The following SUPT3H variants were observed in gnomAD, a reference collection of about 807,000 sequenced individuals.
The protein encoded by SUPT3H is SPT3 homolog, SAGA and STAGA complex component.
Under a neutral mutation model 44.3 loss-of-function variants are expected in SUPT3H, and 44 were observed. The observed-to-expected ratio is 0.99, with a 90% CI of 0.78 to 1.28. SUPT3H has a LOEUF of 1.28. SUPT3H is among the 50% of genes most tolerant of loss of function. SUPT3H has a pLI of 0.00. For synonymous variants in SUPT3H, 124 were observed against 125.6 expected (o/e 0.99, Z 0.09); for missense variants, 380 against 387.1 (o/e 0.98, Z 0.15).
chr6:45,142,727 A>G (rs1216947249), intron 2 of SUPT3H, among the ~76,000 whole-genome samples: 1 of 113,954 alleles, frequency 8.8e-6, no homozygotes, highest in Non-Finnish European at 1.7e-5. Flanking sequence ...GAAGAGCTAA[A>G]CTCCGTCTCA....
rs200100075 is a variant in SUPT3H, at chr6:45,059,769, G to GA, written c.187-39138dup. 8.6e-3 allele frequency among the ~76,000 whole-genome samples: 1,306 copies of GA among 151,782 alleles called. 24 individuals carry two copies. The highest frequency in any genetic ancestry group is 0.03 in the African/African-American group (1,230 of 41,478). ...GGTTATAAAATATTGATTTTAAAAT[G>GA]AAAAAATCACTAGTATTCCTATACA... is the stretch of plus-strand genomic sequence containing the variant. On this transcript the variant is annotated intron_variant, in intron 3 of 10. Transcript: ENST00000371459.
At chr6:44,947,550 CT>C (rs147056833) in intron 9 of SUPT3H, among the ~76,000 whole-genome samples, 1,548 of 152,020 alleles carry the variant, frequency 0.01, 36 homozygotes, top group African/African-American at 0.036. Flanking sequence ...CCAGGCTTTT[CT>C]TTTTTTTCTT....
intron 3 of SUPT3H, chr6:45,098,785 T>C (rs1798142293): frequency 1.6e-5 from 8 of 513,166 alleles, no homozygotes; most frequent in South Asian, 8.8e-5. Context: ...GAGATGCAGA[T>C]TGATTACTGT....
At chr6:45,243,950 T>C (rs974492828) in intron 2 of SUPT3H, among the ~76,000 whole-genome samples, 2 of 152,190 alleles carry the variant, frequency 1.3e-5, no homozygotes, top group Non-Finnish European at 2.9e-5. Context: ...GGTGTGATCA[T>C]GGCTCACTGC....
chr6:44,988,167 G>A (rs1780079666), intron 6 of SUPT3H, among the ~76,000 whole-genome samples: 1 of 151,128 alleles, frequency 6.6e-6, no homozygotes, highest in Non-Finnish European at 1.5e-5. Flanking sequence ...TACTGAAGAG[G>A]GTCTGTGGTC....
chr6:45,105,749 G>A (rs940967094), intron 3 of SUPT3H, among the ~76,000 whole-genome samples, 173 bp downstream of exon 3: 8 of 151,958 alleles, frequency 5.3e-5, no homozygotes, highest in Non-Finnish European at 1.2e-4. Flanking sequence ...CATTGTTGAG[G>A]CTCAGCAAAT....
intron 8 of SUPT3H, among the ~76,000 whole-genome samples, chr6:44,954,068 G>C (rs965069659): frequency 6.6e-6 from 1 of 152,154 alleles, no homozygotes; most frequent in African/African-American, 2.4e-5. Context: ...GAACCAAGGA[G>C]ATGCTGATGC....
chr6:45,285,793 C>A (rs1233980078), intron 2 of SUPT3H, among the ~76,000 whole-genome samples: 1 of 152,158 alleles, frequency 6.6e-6, no homozygotes, highest in Non-Finnish European at 1.5e-5. Context: ...CAAGTCAATC[C>A]TAAGCCCAAA....
intron 2 of SUPT3H, among the ~76,000 whole-genome samples, chr6:45,254,160 C>T (rs1434807204): frequency 3.3e-5 from 5 of 151,922 alleles, no homozygotes; most frequent in African/African-American, 4.8e-5. Context: ...CAGATAGTTA[C>T]TAGCATTTTA....
rs115930272 is a variant in SUPT3H at position 45,371,764 on chromosome 6, T to C, written c.-1+6004A>G. The C allele has an allele frequency of 2.2e-3, 1,908 of 867,904 alleles. 7 individuals carry two copies. Among genetic ancestry groups the C allele is most frequent in the Non-Finnish European group, 2.5e-3 (1,832 of 722,726 alleles). 53.8% of individuals were successfully genotyped at this position (867,904 alleles called of 1,614,324 possible). ...TGTTTAAAAGAAAATCTTAGGTAGATGGATAAGCAACTATAACAGACAAAC... is the reference window on the plus strand; with the variant it reads ...TGTTTAAAAGAAAATCTTAGGTAGACGGATAAGCAACTATAACAGACAAAC... On this transcript the variant is annotated intron_variant, in intron 1 of 10. Coordinates refer to ENST00000371459, the MANE Select transcript of SUPT3H (RefSeq NM_003599.4).
At chr6:45,141,338 C>CCA (rs1805148703) in intron 2 of SUPT3H, among the ~76,000 whole-genome samples, 1 of 45,280 alleles carries the variant, frequency 2.2e-5, no homozygotes, top group African/African-American at 1.1e-4. Flanking sequence ...GACTCCATCT[C>CCA]AAAAAAAAAA....
intron 10 of SUPT3H, among the ~76,000 whole-genome samples, chr6:44,928,531 G>A (rs1769903790): frequency 1.3e-5 from 2 of 152,010 alleles, no homozygotes; most frequent in Admixed American, 1.3e-4. Context: ...CTTGACTTAG[G>A]AAAATTACTT....
chr6:45,225,677 C>A (rs1403997132), intron 2 of SUPT3H, among the ~76,000 whole-genome samples: 1 of 152,090 alleles, frequency 6.6e-6, no homozygotes, highest in Non-Finnish European at 1.5e-5. Context: ...TGTTTCAAGT[C>A]TTTTATTAAG....
intron 3 of SUPT3H, among the ~76,000 whole-genome samples, chr6:45,034,301 C>T (rs1371559650): frequency 6.6e-6 from 1 of 151,862 alleles, no homozygotes; most frequent in Non-Finnish European, 1.5e-5. Context: ...TCTCAGAGCT[C>T]CCCAGTCCCC....
chr6:44,840,824 A>T (rs1434085164), intron 10 of SUPT3H, among the ~76,000 whole-genome samples: 1 of 152,242 alleles, frequency 6.6e-6, no homozygotes, highest in East Asian at 1.9e-4. Flanking sequence ...ACCCAGGCTG[A>T]AATGAACATA....
intron 2 of SUPT3H, among the ~76,000 whole-genome samples, chr6:45,279,681 C>T (rs1338089299): frequency 6.6e-6 from 1 of 152,124 alleles, no homozygotes; most frequent in East Asian, 1.9e-4. Flanking sequence ...GAACCATAAG[C>T]CAATTAAACC....
rs146421394 is a variant in SUPT3H at position 45,054,767 on chromosome 6, A to T, written c.187-34135T>A. On this transcript the variant is annotated intron_variant, in intron 3 of 10. Coordinates refer to ENST00000371459, the MANE Select transcript of SUPT3H (RefSeq NM_003599.4). Reference sequence around the variant, plus strand: ...CCTCAGCTGCCTACTTATCAATTGTAGACCACGAGATCCTGTACACCCTGA... The same window carrying T: ...CCTCAGCTGCCTACTTATCAATTGTTGACCACGAGATCCTGTACACCCTGA... Among the ~76,000 whole-genome samples, 74 of 152,264 alleles carry T rather than the reference A, an allele frequency of 4.9e-4. No individual in the cohort carries two copies. The East Asian group carries it at 0.013, about 26-fold the overall frequency.
intron 2 of SUPT3H, among the ~76,000 whole-genome samples, chr6:45,110,671 C>G (rs1013595678): frequency 6.6e-6 from 1 of 152,036 alleles, no homozygotes; most frequent in Non-Finnish European, 1.5e-5. Context: ...TGCCAAGATG[C>G]TACCCAAATA....
chr6:45,255,625 G>A (rs2153655007), intron 2 of SUPT3H, among the ~76,000 whole-genome samples: 1 of 151,770 alleles, frequency 6.6e-6, no homozygotes, highest in South Asian at 2.1e-4. Context: ...GTCTCACTAT[G>A]TTGCCCCAGT....
Sources: gnomAD v4.1 joint callset for allele counts (sites outside exome capture counted in the v4.1 genomes callset) on GRCh38, gnomAD v4.1.1 for gene constraint, MANE v1.5 for transcripts, NCBI Gene and HGNC (gene_info 2026-07-23, HGNC 2026-07-21) for gene names.